Variants in MEGF8 observed in about 807,000 individuals in gnomAD.
MEGF8 encodes the protein multiple EGF like domains 8.
Under a neutral mutation model 302.9 loss-of-function variants are expected in MEGF8, and 156 were observed. The observed-to-expected ratio is 0.52, with a 90% CI of 0.45 to 0.59. The LOEUF (loss-of-function observed/expected upper bound fraction) is 0.59. Among genes scored for constraint, MEGF8 ranks in the 20% least tolerant of loss-of-function variants. The pLI is 0.00. For synonymous variants in MEGF8, 1,621 were observed against 1,660.5 expected (o/e 0.98, Z 0.58); for missense variants, 3,345 against 3,964.5 (o/e 0.84, Z 4.20).
At position 42,368,934 on chromosome 19, in the gene MEGF8, G is replaced by T. The variant is rs764477325; in HGVS notation, c.6573G>T (p.Glu2191Asp). The T allele has an allele frequency of 6.2e-7, 1 of 1,613,926 alleles. No individual in the cohort carries two copies. The highest frequency in any genetic ancestry group is 8.5e-7 in the Non-Finnish European group (1 of 1,179,902). Reference sequence around the variant, plus strand: ...CAAACGGGCACCACGACTGCAACGAGACGCAGAATTGCCACGACCAGCCCC... The same window carrying T: ...CAAACGGGCACCACGACTGCAACGATACGCAGAATTGCCACGACCAGCCCC... ...ECANGHHDCN[E>D]TQNCHDQPHG... The change falls in exon 37 of 42, where the codon GAG (glutamate) becomes GAT (aspartate). Residue 2191 changes from glutamate (E) to aspartate (D), a missense_variant. Glu to Asp is a conservative substitution (Grantham distance 45, BLOSUM62 2). Transcript: ENST00000251268. This position sits in a 1 kb window ranked among gnomAD's most constrained non-coding sequence, Gnocchi z 4.9.
intron 8 of MEGF8, among the ~76,000 whole-genome samples, chr19:42,338,018 C>T (rs1177814282): frequency 1.3e-5 from 2 of 151,972 alleles, no homozygotes; most frequent in Admixed American, 6.6e-5. Flanking sequence ...GTTGGCCAGG[C>T]CAGTCTCAAA....
intron 31 of MEGF8, among the ~76,000 whole-genome samples, chr19:42,360,289 CCT>C (rs1210675275): frequency 6.6e-6 from 1 of 151,522 alleles, no homozygotes; most frequent in East Asian, 1.9e-4. Flanking sequence ...TGTCTCTCTC[CCT>C]CTCTTTTTTT....
At chr19:42,349,413 A>G (rs4803532) in intron 13 of MEGF8, 86 bp from the exon 14 acceptor site, 1 of 1,202,164 alleles carries the variant, frequency 8.3e-7, no homozygotes, top group Admixed American at 2.3e-5. Context: ...GGGGTGGGGT[A>G]CAGGGTGGGT....
In MEGF8 at chr19:42,344,969, A is replaced by G. The variant is rs1473916194; in HGVS notation, c.2097+136A>G. 7 of 1,009,152 alleles carry G rather than the reference A, an allele frequency of 6.9e-6. No homozygotes were observed. The highest frequency in any genetic ancestry group is 8.0e-6 in the Non-Finnish European group (6 of 749,502). The allele number at this position is 1,009,152 out of a possible 1,614,324, so 62.5% of individuals were successfully genotyped here. Reference sequence around the variant, plus strand: ...TTCAAGGGTCTTATTTTCCTTATGGACTTTATTTTTTATTTTTTTTGAGAG... The same window carrying G: ...TTCAAGGGTCTTATTTTCCTTATGGGCTTTATTTTTTATTTTTTTTGAGAG... On this transcript the variant is annotated intron_variant, in intron 12 of 41. Coordinates refer to ENST00000251268, the MANE Select transcript of MEGF8 (RefSeq NM_001271938.2). This position sits in a 1 kb window ranked among gnomAD's most constrained non-coding sequence, Gnocchi z 4.5.
intron 23 of MEGF8, among the ~76,000 whole-genome samples, chr19:42,355,104 A>G (rs528857184): frequency 2.6e-5 from 4 of 152,078 alleles, no homozygotes; most frequent in Admixed American, 6.5e-5. Flanking sequence ...TTACAGGCGC[A>G]TGCCACCATG....
intron 3 of MEGF8, 150 bp downstream of exon 3, chr19:42,334,363 A>G: frequency 2.6e-6 from 2 of 766,386 alleles, no homozygotes; most frequent in South Asian, 3.7e-5. Context: ...CTCCTTCCAG[A>G]GCTTGCCCCT....
At chr19:42,362,236 A>G (rs759588733) in intron 33 of MEGF8, 23 bp downstream of exon 33, 2 of 1,609,836 alleles carry the variant, frequency 1.2e-6, no homozygotes, top group Non-Finnish European at 1.7e-6. Context: ...GAAGGCAGGG[A>G]TGAGAAGCAG....
At chr19:42,373,572 T>G (rs2039722512) in intron 41 of MEGF8, among the ~76,000 whole-genome samples, 1 of 150,778 alleles carries the variant, frequency 6.6e-6, no homozygotes, top group South Asian at 2.1e-4. Flanking sequence ...GGCTAATTTT[T>G]TTTTTAGAGA....
At chr19:42,335,747 G>C (rs1291105152) in intron 5 of MEGF8, among the ~76,000 whole-genome samples, 184 bp from the exon 6 acceptor site, 1 of 151,958 alleles carries the variant, frequency 6.6e-6, no homozygotes, top group Non-Finnish European at 1.5e-5. Context: ...CTCTCTTATT[G>C]TATTTCTCTG....
chr19:42,343,709 G>A, intron 9 of MEGF8, 78 bp downstream of exon 9: 5 of 1,472,858 alleles, frequency 3.4e-6, no homozygotes, highest in Non-Finnish European at 3.6e-6. Context: ...GGAAAGGCAG[G>A]AGGGGATCCC....
chr19:42,341,531 G>A lies in MEGF8; in HGVS notation c.1514-1946G>A, dbSNP rs143191655. Among the ~76,000 whole-genome samples, 202 of 151,778 alleles carry A rather than the reference G, an allele frequency of 1.3e-3. 1 individual carries two copies. Among genetic ancestry groups the A allele is most frequent in the African/African-American group, 4.7e-3 (194 of 41,364 alleles). On this transcript the variant is annotated intron_variant, in intron 8 of 41. Coordinates refer to ENST00000251268, the MANE Select transcript of MEGF8 (RefSeq NM_001271938.2). ...TGCCCAGAGTGGTCTTGAGCTCCTAGGCTCAAGTCATCCTTCCATCTCAGC... is the reference window on the plus strand; with the variant it reads ...TGCCCAGAGTGGTCTTGAGCTCCTAAGCTCAAGTCATCCTTCCATCTCAGC...
At position 42,378,170 on chromosome 19, in the gene MEGF8, G is replaced by A. The variant is rs2039793028; in HGVS notation, c.*1395G>A. ...ATTTCAACAGCAGAAATTGAATGGG[G>A]GGATTGATAGCGCTGGCGAGGGAAG... On this transcript the variant is annotated 3_prime_UTR_variant, in exon 42 of 42. Coordinates refer to ENST00000251268, the MANE Select transcript of MEGF8 (RefSeq NM_001271938.2). 6.6e-6 allele frequency: 1 copy of A among 152,204 alleles called. No individual in the cohort carries two copies. Among genetic ancestry groups the A allele is most frequent in the African/African-American group, 2.4e-5 (1 of 41,428 alleles). The allele number at this position is 152,204 out of a possible 1,614,324, so 9.4% of individuals were successfully genotyped here.
intron 8 of MEGF8, among the ~76,000 whole-genome samples, chr19:42,338,649 A>C (rs560633014): frequency 6.6e-6 from 1 of 151,928 alleles, no homozygotes; most frequent in East Asian, 1.9e-4. Context: ...TTTTGTTCCC[A>C]CTTGTGAGAA....
Position 42,368,741 on chromosome 19 carries a change from C to T in MEGF8, c.6481+79C>T. The T allele has an allele frequency of 6.5e-7, 1 of 1,549,884 alleles. No individual in the cohort carries two copies. Among genetic ancestry groups the T allele is most frequent in the South Asian group, 1.2e-5 (1 of 81,150 alleles). ...ATACAGTGAACATAGGGATACTGGG[C>T]CAGACCCAGAGGTGGGGCTCAGAGG... is the stretch of plus-strand genomic sequence containing the variant. On this transcript the variant is annotated intron_variant, in intron 36 of 41. Transcript: ENST00000251268. The surrounding 1 kb of genome is among the most constrained non-coding windows in gnomAD (Gnocchi z 4.9).
At chr19:42,359,048 G>A (rs1219676462) in intron 30 of MEGF8, 50 bp from the exon 31 acceptor site, 1 of 1,528,190 alleles carries the variant, frequency 6.5e-7, no homozygotes, top group East Asian at 2.4e-5. Context: ...GGGAGCAGAG[G>A]ACAGCTCTGA....
Position 42,376,614 on chromosome 19 carries a change from G to A in MEGF8, c.8377G>A (p.Ala2793Thr), listed in dbSNP as rs1391278086. Reference sequence around the variant, plus strand: ...GCTCCAGCTGCCTGGCGGGCCCCATGCACCCAACGGCGCCTGCCTGGGGTC... The same window carrying A: ...GCTCCAGCTGCCTGGCGGGCCCCATACACCCAACGGCGCCTGCCTGGGGTC... ...LLLQLPGGPH[A>T]PNGACLGSAL... Residue 2793 changes from alanine to threonine, a missense_variant, in exon 42 of 42, where the codon GCA (alanine) becomes ACA (threonine). Ala to Thr is a moderately conservative substitution (Grantham distance 58). Coordinates refer to ENST00000251268, the MANE Select transcript of MEGF8 (RefSeq NM_001271938.2). This position sits in a 1 kb window ranked among gnomAD's most constrained non-coding sequence, Gnocchi z 8.2. 4 of 1,545,402 alleles carry A rather than the reference G, an allele frequency of 2.6e-6. No homozygotes were observed. Among genetic ancestry groups the A allele is most frequent in the Middle Eastern group, 1.7e-4 (1 of 5,978 alleles).
chr19:42,369,470 C>T lies in MEGF8; in HGVS notation c.6642-61C>T, dbSNP rs987487357. Reference sequence around the variant, plus strand: ...AGAGGGTGGGGTAGTTGGTTGGGTGCTAGGCCATGAAGCCACGAGGAGGGT... The same window carrying T: ...AGAGGGTGGGGTAGTTGGTTGGGTGTTAGGCCATGAAGCCACGAGGAGGGT... On this transcript the variant is annotated intron_variant, in intron 37 of 41. Transcript: ENST00000251268. This position sits in a 1 kb window ranked among gnomAD's most constrained non-coding sequence, Gnocchi z 5.7. 2 of 1,537,726 alleles carry T rather than the reference C, an allele frequency of 1.3e-6. No homozygotes were observed. The highest frequency in any genetic ancestry group is 2.7e-5 in the African/African-American group (2 of 73,980).
chr19:42,363,357 AC>A, intron 35 of MEGF8, 95 bp downstream of exon 35: 1 of 1,039,172 alleles, frequency 9.6e-7, no homozygotes, highest in East Asian at 2.6e-5. Flanking sequence ...CATCTCCTCC[AC>A]CCTCCTCCTT....
Position 42,369,850 on chromosome 19 carries a change from C to T in MEGF8, c.6834+127C>T. On this transcript the variant is annotated intron_variant, in intron 38 of 41. Transcript: ENST00000251268. The surrounding 1 kb of genome is among the most constrained non-coding windows in gnomAD (Gnocchi z 5.7). ...AGCCAGGGACAGATAAGCCAGAGCC[C>T]TGTCCCAGGGAGATGTGTGGAGACT... The T allele has an allele frequency of 8.9e-7, 1 of 1,126,946 alleles. No individual in the cohort carries two copies. The highest frequency in any genetic ancestry group is 1.2e-6 in the Non-Finnish European group (1 of 805,606). The allele number at this position is 1,126,946 out of a possible 1,614,324, so 69.8% of individuals were successfully genotyped here.
Sources: gnomAD v4.1 joint callset for allele counts (sites outside exome capture counted in the v4.1 genomes callset) on GRCh38, gnomAD v4.1.1 for gene constraint, Gnocchi (gnomAD v3.1) non-coding constraint, MANE v1.5 for transcripts, NCBI Gene and HGNC (gene_info 2026-07-23, HGNC 2026-07-21) for gene names.